ITIH5: variants seen among roughly 807,000 people sequenced by gnomAD.
ITIH5 encodes inter-alpha-trypsin inhibitor heavy chain H5.
ITIH5 carries 65 observed loss-of-function variants against 77.5 expected under a neutral mutation model. The ratio of observed to expected loss-of-function variants is 0.84; its 90% CI spans 0.69 to 1.03. ITIH5 has a LOEUF of 1.03. Ranked by LOEUF, ITIH5 falls within the 50% of genes least tolerant of loss-of-function variation. The probability of loss-of-function intolerance (pLI) is 0.00; values close to 1 mark genes in which losing one functional copy is unlikely to be tolerated. For missense variants in ITIH5, 1,208 were observed against 1,213.1 expected (o/e 1.00, Z 0.06); for synonymous variants, 525 against 494.3 (o/e 1.06, Z -0.82).
chr10:7,631,048 A>G (rs1476169872), intron 5 of ITIH5, among the ~76,000 whole-genome samples: 1 of 152,128 alleles, frequency 6.6e-6, no homozygotes, highest in Admixed American at 6.5e-5. Flanking sequence ...CAGGAAAAAA[A>G]AAAAAGAGTT....
At chr10:7,621,655 G>A (rs1293354866) in intron 5 of ITIH5, 1 of 152,044 alleles carries the variant, frequency 6.6e-6, no homozygotes, top group Non-Finnish European at 1.5e-5. Flanking sequence ...CAATTCCAGA[G>A]GAGCATCTCT....
intron 1 of ITIH5, among the ~76,000 whole-genome samples, chr10:7,660,924 C>T (rs1181216531): frequency 2.0e-5 from 3 of 152,346 alleles, no homozygotes; most frequent in South Asian, 2.1e-4. Flanking sequence ...TCTCCATCGC[C>T]GGGGCGTGGA....
intron 7 of ITIH5, among the ~76,000 whole-genome samples, chr10:7,601,510 C>A (rs963243472): frequency 6.6e-6 from 1 of 152,186 alleles, no homozygotes; most frequent in Non-Finnish European, 1.5e-5. Context: ...CTCTCAATGA[C>A]ACAAGTCTGC....
intron 7 of ITIH5, among the ~76,000 whole-genome samples, chr10:7,591,288 C>A (rs1465976477): frequency 6.6e-6 from 1 of 152,156 alleles, no homozygotes; most frequent in East Asian, 1.9e-4. Context: ...CCCCAGCTAT[C>A]AACAACAAGG....
At chr10:7,578,252 A>G (rs1174224768) in intron 9 of ITIH5, 2 of 167,212 alleles carry the variant, frequency 1.2e-5, no homozygotes, top group Non-Finnish European at 2.9e-5. Flanking sequence ...TTTGCCTTTC[A>G]TCATCTCTGT....
At chr10:7,568,986 GTTTTC>G (rs1167992589) in intron 12 of ITIH5, among the ~76,000 whole-genome samples, 26 of 140,604 alleles carry the variant, frequency 1.8e-4, no homozygotes, top group African/African-American at 6.9e-4. Context: ...ATATATTGTG[GTTTTC>G]TTTTCTTTTT....
At chr10:7,610,621 C>G (rs1452157503) in intron 7 of ITIH5, among the ~76,000 whole-genome samples, 2 of 152,124 alleles carry the variant, frequency 1.3e-5, no homozygotes, top group African/African-American at 4.8e-5. Flanking sequence ...TATGAAAAGC[C>G]CTTTGCTTGG....
At chr10:7,589,150 T>A (rs1346088599) in intron 7 of ITIH5, among the ~76,000 whole-genome samples, 1 of 152,230 alleles carries the variant, frequency 6.6e-6, no homozygotes, top group African/African-American at 2.4e-5. Flanking sequence ...CCATCTCCTG[T>A]AACATCCTTG....
chr10:7,619,668 C>T, intron 5 of ITIH5: 4 of 279,512 alleles, frequency 1.4e-5, no homozygotes, highest in Admixed American at 3.7e-5. Context: ...GCGGCAGGAG[C>T]GAGAGACAGA....
At chr10:7,666,720 C>T (rs1834367377) in intron 1 of ITIH5, 83 bp downstream of exon 1, 5 of 1,131,900 alleles carry the variant, frequency 4.4e-6, no homozygotes, top group African/African-American at 3.1e-5. Context: ...TCGAAGGGGG[C>T]CCGGGCAGAA....
intron 1 of ITIH5, among the ~76,000 whole-genome samples, chr10:7,666,377 G>A (rs1052585770): frequency 2.6e-5 from 4 of 151,968 alleles, no homozygotes; most frequent in Non-Finnish European, 4.4e-5. Flanking sequence ...GAAAAGCTGA[G>A]GCTCCCAGGA....
intron 7 of ITIH5, chr10:7,600,623 A>G (rs1294065826): frequency 4.4e-6 from 2 of 456,302 alleles, no homozygotes; most frequent in Admixed American, 2.4e-5. Flanking sequence ...GTTAATCAGA[A>G]CATCCTTCTT....
intron 8 of ITIH5, among the ~76,000 whole-genome samples, chr10:7,585,185 C>T (rs1013736166): frequency 1.3e-5 from 2 of 152,190 alleles, no homozygotes; most frequent in African/African-American, 4.8e-5. Context: ...ATACTGAGCA[C>T]CTCTTCTGTG....
At chr10:7,599,833 C>A (rs1832980128) in intron 7 of ITIH5, among the ~76,000 whole-genome samples, 1 of 152,168 alleles carries the variant, frequency 6.6e-6, no homozygotes, top group Non-Finnish European at 1.5e-5. Flanking sequence ...GAAGTGGAGG[C>A]CCCTCCACCA....
At chr10:7,609,795 G>A (rs1405554439) in intron 7 of ITIH5, among the ~76,000 whole-genome samples, 1 of 152,178 alleles carries the variant, frequency 6.6e-6, no homozygotes, top group Admixed American at 6.6e-5. Context: ...CATCTGGTAA[G>A]TGATCCATTC....
chr10:7,574,792 C>CA (rs201150009), intron 10 of ITIH5, among the ~76,000 whole-genome samples: 1 of 79,436 alleles, frequency 1.3e-5, no homozygotes, highest in Non-Finnish European at 2.6e-5. Flanking sequence ...GACTCCATCT[C>CA]GGAAAAAAAA....
chr10:7,637,232 C>T lies in ITIH5; in HGVS notation c.648G>A (p.Gly216=). The change falls in exon 5 of 14, where the codon GGG becomes GGA. Residue 216 remains glycine, a synonymous_variant. Coordinates refer to ENST00000397146, the MANE Select transcript of ITIH5 (RefSeq NM_030569.7). The part of the protein sequence containing the change: ...HNSRQRGSGR[G]EDDSGPPPST... ...AACCCAGCACGCAGGACTCACCTTC[C>T]CCGCGCCCACTGCCCCTCTGCCTGC... is the stretch of plus-strand genomic sequence containing the variant. 6.2e-7 allele frequency: 1 copy of T among 1,606,824 alleles called. No homozygotes were observed. Among genetic ancestry groups the T allele is most frequent in the Non-Finnish European group, 8.5e-7 (1 of 1,179,728 alleles).
At chr10:7,640,148 CAAAAAAAAAAA>C (rs56939703) in intron 4 of ITIH5, among the ~76,000 whole-genome samples, 1 of 80,280 alleles carries the variant, frequency 1.2e-5, no homozygotes, top group African/African-American at 4.9e-5. Flanking sequence ...GGGGTAACTA[CAAAAAAAAAAA>C]AAAAAAAAAA....
chr10:7,632,720 C>A (rs141612770), intron 5 of ITIH5, among the ~76,000 whole-genome samples: 23 of 152,194 alleles, frequency 1.5e-4, no homozygotes, highest in African/African-American at 5.5e-4. Context: ...GTCTAGAGTA[C>A]GTTGTCTGGA....
Sources: allele counts gnomAD v4.1 joint callset (sites outside exome capture counted in the v4.1 genomes callset), GRCh38; gene constraint gnomAD v4.1.1; transcripts MANE v1.5; gene names NCBI Gene and HGNC (gene_info 2026-07-23, HGNC 2026-07-21).